The following FAT3 variants were observed in gnomAD, a reference collection of about 807,000 sequenced individuals.
The protein encoded by FAT3 is FAT atypical cadherin 3.
FAT3 carries 95 observed loss-of-function variants against 310.2 expected under a neutral mutation model. The ratio of observed to expected loss-of-function variants is 0.31; its 90% CI spans 0.26 to 0.36. The LOEUF is 0.36. Among genes scored for constraint, FAT3 ranks in the 10% least tolerant of loss-of-function variants. The pLI is 1.00. For synonymous variants in FAT3, 2,314 were observed against 2,192.9 expected (o/e 1.06, Z -1.54); for missense variants, 5,408 against 5,715.6 (o/e 0.95, Z 1.74).
At chr11:92,684,920 T>G (rs1943586738) in intron 3 of FAT3, among the ~76,000 whole-genome samples, 2 of 152,226 alleles carry the variant, frequency 1.3e-5, no homozygotes, top group African/African-American at 4.8e-5. Flanking sequence ...TTTAGCACAT[T>G]TCTTGCTAGA....
chr11:92,865,487 A>C (rs1949219025), intron 21 of FAT3, among the ~76,000 whole-genome samples: 1 of 152,150 alleles, frequency 6.6e-6, no homozygotes, highest in Non-Finnish European at 1.5e-5. Context: ...CAGAACTATG[A>C]ATGCCAACAG....
intron 2 of FAT3, among the ~76,000 whole-genome samples, chr11:92,420,718 A>C (rs569352309): frequency 1.1e-4 from 17 of 152,154 alleles, no homozygotes; most frequent in Non-Finnish European, 2.4e-4. Context: ...TTTTAAAACA[A>C]GGGAAAAATA....
At chr11:92,637,201 A>G (rs1941796071) in intron 3 of FAT3, among the ~76,000 whole-genome samples, 1 of 152,184 alleles carries the variant, frequency 6.6e-6, no homozygotes, top group Admixed American at 6.5e-5. Context: ...AATTAGTGTA[A>G]GTGAGAGAAG....
chr11:92,530,813 T>G (rs1220217379), intron 3 of FAT3, among the ~76,000 whole-genome samples: 1 of 152,074 alleles, frequency 6.6e-6, no homozygotes, highest in Non-Finnish European at 1.5e-5. Flanking sequence ...TTATGCACAG[T>G]TCCATGTGGT....
chr11:92,368,909 T>C (rs1278112728), intron 2 of FAT3, among the ~76,000 whole-genome samples: 1 of 150,534 alleles, frequency 6.6e-6, no homozygotes, highest in Non-Finnish European at 1.5e-5. Context: ...CACATATATA[T>C]ATACACATAT....
intron 12 of FAT3, among the ~76,000 whole-genome samples, chr11:92,808,616 G>A (rs962597669): frequency 6.6e-6 from 1 of 152,162 alleles, no homozygotes; most frequent in African/African-American, 2.4e-5. Context: ...GCTAAAAGAT[G>A]AACTGCCTTA....
chr11:92,787,692 A>C (rs889461522), intron 7 of FAT3, among the ~76,000 whole-genome samples: 2 of 150,114 alleles, frequency 1.3e-5, no homozygotes, highest in African/African-American at 4.9e-5. Context: ...ATAATGATAT[A>C]AATACATAAT....
chr11:92,272,468 A>G (rs575394292), intron 1 of FAT3, among the ~76,000 whole-genome samples: 1 of 152,238 alleles, frequency 6.6e-6, no homozygotes, highest in East Asian at 1.9e-4. Flanking sequence ...AGGGAGATAA[A>G]TGAGACATGG....
intron 2 of FAT3, among the ~76,000 whole-genome samples, chr11:92,449,634 G>A (rs1000269862): frequency 6.6e-6 from 1 of 152,108 alleles, no homozygotes; most frequent in Non-Finnish European, 1.5e-5. Context: ...CTGAAGCATG[G>A]AGAAGTTCAG....
intron 19 of FAT3, among the ~76,000 whole-genome samples, chr11:92,852,647 TG>T (rs1565651129): frequency 2.0e-5 from 3 of 152,216 alleles, no homozygotes; most frequent in Admixed American, 6.5e-5. Flanking sequence ...CTGGAATGAA[TG>T]TAAATACTCA....
At chr11:92,644,770 G>A (rs111466934) in intron 3 of FAT3, among the ~76,000 whole-genome samples, 14 of 152,280 alleles carry the variant, frequency 9.2e-5, no homozygotes, top group African/African-American at 2.9e-4. Flanking sequence ...GCACTTTGGG[G>A]GCAGAGTCAG....
intron 4 of FAT3, among the ~76,000 whole-genome samples, chr11:92,720,120 A>C (rs1944819751): frequency 6.6e-6 from 1 of 152,190 alleles, no homozygotes; most frequent in African/African-American, 2.4e-5. Context: ...AGAATTTGAA[A>C]TACATCTGCT....
At position 92,801,113 on chromosome 11, in the gene FAT3, C is replaced by G. The variant is rs1947334691; in HGVS notation, c.8100C>G (p.Pro2700=). 6.2e-7 allele frequency: 1 copy of G among 1,613,824 alleles called. No homozygotes were observed. The highest frequency in any genetic ancestry group is 8.5e-7 in the Non-Finnish European group (1 of 1,179,888). The change falls in exon 10 of 28, where the codon CCC becomes CCG. Residue 2700 remains proline (P), a synonymous_variant. Coordinates refer to ENST00000525166, the MANE Select transcript of FAT3 (RefSeq NM_001367949.2). ...SLIPVYIHVL[P]PETFLPSFTQ... is the part of the protein sequence containing the mutation. ...TTCCTGTCTATATCCACGTCTTGCC[C>G]CCTGAAACGTTCTTGCCATCATTCA...
At chr11:92,812,392 C>G (rs559070620) in intron 13 of FAT3, among the ~76,000 whole-genome samples, 2 of 152,110 alleles carry the variant, frequency 1.3e-5, no homozygotes, top group African/African-American at 4.8e-5. Flanking sequence ...ACCAGCCCGG[C>G]CAATATGGTG....
intron 8 of FAT3, among the ~76,000 whole-genome samples, chr11:92,791,469 A>C (rs1265755870): frequency 2.0e-5 from 3 of 152,114 alleles, no homozygotes. Context: ...CTAGTGACTA[A>C]CTCCATTCTC....
At chr11:92,298,069 AGTG>A (rs985895684) in intron 1 of FAT3, among the ~76,000 whole-genome samples, 2 of 152,072 alleles carry the variant, frequency 1.3e-5, no homozygotes, top group African/African-American at 4.8e-5. Flanking sequence ...GGATAAGACA[AGTG>A]GTGATTGACA....
rs571048676 is a variant in FAT3, at chr11:92,524,205, T to C, written c.3293-429T>C. Among the ~76,000 whole-genome samples the C allele has an allele frequency of 1.5e-3, 234 of 152,240 alleles. 1 individual carries two copies. In the Middle Eastern group the frequency reaches 0.02, roughly 13 times the overall value. On this transcript the variant is annotated intron_variant, in intron 2 of 27. Transcript: ENST00000525166. ...TAAAATAATTTACCCTAGGAGAGCT[T>C]TTCATTGCATAAGAAGTCAATTCAA...
intron 4 of FAT3, among the ~76,000 whole-genome samples, chr11:92,709,444 G>C (rs971844379): frequency 1.9e-4 from 29 of 152,100 alleles, no homozygotes; most frequent in African/African-American, 7.0e-4. Context: ...GCTATTCTTA[G>C]CTTCATTAGC....
chr11:92,519,361 A>G (rs1163559336), intron 2 of FAT3, among the ~76,000 whole-genome samples: 3 of 152,130 alleles, frequency 2.0e-5, no homozygotes, highest in East Asian at 3.9e-4. Context: ...ACTTAGATCT[A>G]TATCTTTCAC....
Sources: allele counts gnomAD v4.1 joint callset (sites outside exome capture counted in the v4.1 genomes callset), GRCh38; gene constraint gnomAD v4.1.1; transcripts MANE v1.5; gene names NCBI Gene and HGNC (gene_info 2026-07-23, HGNC 2026-07-21).